Variants in NRG3 observed in about 807,000 individuals in gnomAD.
NRG3 encodes the protein neuregulin 3, also known as pro-neuregulin-3, membrane-bound isoform.
Under a neutral mutation model 66.9 loss-of-function variants are expected in NRG3, and 31 were observed. The observed-to-expected ratio is 0.46, with a 90% CI of 0.35 to 0.63. NRG3 has a LOEUF of 0.63. NRG3 is among the 20% of genes least tolerant of loss of function. The pLI is 0.00. For missense variants in NRG3, 910 were observed against 878.9 expected, an observed-to-expected ratio of 1.04 and a Z score of -0.45; for synonymous variants, 393 against 359.4, an observed-to-expected ratio of 1.09 and a Z score of -1.06.
intron 3 of NRG3, among the ~76,000 whole-genome samples, chr10:82,833,600 C>T (rs1403108983): frequency 6.6e-6 from 1 of 152,148 alleles, no homozygotes; most frequent in African/African-American, 2.4e-5. Context: ...TGCAGCCGAC[C>T]TTCCAATACC....
intron 1 of NRG3, among the ~76,000 whole-genome samples, chr10:82,121,025 C>T (rs1372325578): frequency 6.6e-6 from 1 of 152,128 alleles, no homozygotes; most frequent in Non-Finnish European, 1.5e-5. Flanking sequence ...GTACCTACAG[C>T]ATCCCCACTG....
intron 1 of NRG3, among the ~76,000 whole-genome samples, chr10:81,878,715 A>G (rs1165615269): frequency 6.6e-6 from 1 of 152,106 alleles, no homozygotes; most frequent in East Asian, 1.9e-4. Context: ...AAATGAAAGT[A>G]ATGGATTCTG....
chr10:82,901,591 A>G (rs891780171), intron 4 of NRG3, among the ~76,000 whole-genome samples: 6 of 152,210 alleles, frequency 3.9e-5, no homozygotes, highest in African/African-American at 1.4e-4. Flanking sequence ...CTCCAGAAGA[A>G]TAATGGGACT....
At chr10:82,329,396 T>A (rs979317442) in intron 1 of NRG3, among the ~76,000 whole-genome samples, 1 of 147,454 alleles carries the variant, frequency 6.8e-6, no homozygotes, top group African/African-American at 2.6e-5. Context: ...AGTGCTAAGT[T>A]TTTTTGTTTT....
intron 2 of NRG3, among the ~76,000 whole-genome samples, chr10:82,474,979 AAAGAAAAAAAAAAGG>A (rs1202257679): frequency 2.6e-5 from 4 of 151,936 alleles, no homozygotes; most frequent in African/African-American, 4.8e-5. Flanking sequence ...TAATGTGCCG[AAAGAAAAAAAAAAGG>A]AAGAAAAAAA....
chr10:82,382,653 C>T (rs919178884), intron 2 of NRG3, among the ~76,000 whole-genome samples: 8 of 151,706 alleles, frequency 5.3e-5, no homozygotes, highest in African/African-American at 1.5e-4. Flanking sequence ...ATCCAGCAGT[C>T]GAAACCGATA....
intron 1 of NRG3, among the ~76,000 whole-genome samples, chr10:82,329,780 T>C (rs1476670308): frequency 6.6e-6 from 1 of 152,158 alleles, no homozygotes; most frequent in East Asian, 1.9e-4. Flanking sequence ...TCTTTTCTTA[T>C]ATGTCATCAT....
intron 3 of NRG3, among the ~76,000 whole-genome samples, chr10:82,793,095 A>T (rs899482705): frequency 2.0e-5 from 3 of 151,966 alleles, no homozygotes; most frequent in South Asian, 4.2e-4. Flanking sequence ...ATGAAGATTT[A>T]AAAAAAATTT....
intron 3 of NRG3, among the ~76,000 whole-genome samples, chr10:82,812,516 T>G (rs960986895): frequency 2.4e-4 from 36 of 152,190 alleles, no homozygotes; most frequent in Non-Finnish European, 1.2e-4. Context: ...CTGCTTCTAT[T>G]AAACTGACAT....
At position 81,952,531 on chromosome 10, in the gene NRG3, CT is replaced by C. The variant is rs574026623; in HGVS notation, c.823+76370del. On this transcript the variant is annotated intron_variant, in intron 1 of 8. Transcript: ENST00000372141. ...CAGGCATCTCCCTGCTTATGCAAGA[CT>C]TGTTTCAGATAACTGGTCACCCAAA... Among the ~76,000 whole-genome samples, 597 of 152,204 alleles carry C rather than the reference CT, an allele frequency of 3.9e-3. 2 individuals are homozygous for C. Among genetic ancestry groups the C allele is most frequent in the African/African-American group, 0.013 (560 of 41,544 alleles).
At chr10:82,929,208 G>C (rs1470998939) in intron 4 of NRG3, among the ~76,000 whole-genome samples, 1 of 152,138 alleles carries the variant, frequency 6.6e-6, no homozygotes, top group Admixed American at 6.5e-5. Context: ...CCTGTAAGAT[G>C]CTCACATGCT....
At chr10:82,952,302 G>C (rs556476541) in intron 5 of NRG3, among the ~76,000 whole-genome samples, 1 of 151,814 alleles carries the variant, frequency 6.6e-6, no homozygotes, top group African/African-American at 2.4e-5. Context: ...GCATGGTGGC[G>C]TGCCACTGTA....
intron 4 of NRG3, among the ~76,000 whole-genome samples, chr10:82,925,120 C>A (rs1164861823): frequency 1.3e-5 from 2 of 152,156 alleles, no homozygotes; most frequent in African/African-American, 4.8e-5. Flanking sequence ...ACAAAGAATT[C>A]CTCAAAGTTA....
intron 1 of NRG3, among the ~76,000 whole-genome samples, chr10:82,241,758 G>A (rs1424187419): frequency 8.5e-5 from 13 of 152,162 alleles, no homozygotes; most frequent in Non-Finnish European, 1.5e-5. Flanking sequence ...TAGAATACAA[G>A]AATGGAATAT....
intron 1 of NRG3, among the ~76,000 whole-genome samples, chr10:82,034,183 G>A (rs2062690386): frequency 6.6e-6 from 1 of 152,060 alleles, no homozygotes; most frequent in Non-Finnish European, 1.5e-5. Flanking sequence ...TAATCTGTTA[G>A]TACATTTTTT....
At chr10:82,633,036 T>C (rs143975971) in intron 2 of NRG3, among the ~76,000 whole-genome samples, 1 of 152,340 alleles carries the variant, frequency 6.6e-6, no homozygotes, top group African/African-American at 2.4e-5. Context: ...TTGACAGGTT[T>C]GTTAACTCAT....
intron 1 of NRG3, among the ~76,000 whole-genome samples, chr10:81,924,164 G>T (rs1239551766): frequency 1.3e-5 from 2 of 152,126 alleles, no homozygotes; most frequent in Admixed American, 6.5e-5. Flanking sequence ...GGCTGGTGGT[G>T]ACTATAGGAG....
intron 1 of NRG3, among the ~76,000 whole-genome samples, chr10:82,281,997 T>C (rs2079146149): frequency 6.6e-6 from 1 of 152,160 alleles, no homozygotes; most frequent in South Asian, 2.1e-4. Context: ...TTATTTCACC[T>C]AATCCTAATA....
At chr10:81,898,467 G>C (rs79643717) in intron 1 of NRG3, among the ~76,000 whole-genome samples, 3,475 of 152,230 alleles carry the variant, frequency 0.023, 85 homozygotes, top group African/African-American at 0.05. Context: ...TCATCTCCAG[G>C]GTTGGCTGAA....
Sources: gnomAD v4.1 joint callset for allele counts (sites outside exome capture counted in the v4.1 genomes callset) on GRCh38, gnomAD v4.1.1 for gene constraint, MANE v1.5 for transcripts, NCBI Gene and HGNC (gene_info 2026-07-23, HGNC 2026-07-21) for gene names.